The following SPIN1 variants were observed in gnomAD, a reference collection of about 807,000 sequenced individuals.
The protein encoded by SPIN1 is spindlin-1.
In SPIN1, 3 loss-of-function variants were observed where a neutral mutation model predicts 26.0. That is an observed-to-expected ratio of 0.12 (90% CI 0.05 to 0.30). The LOEUF (loss-of-function observed/expected upper bound fraction) is 0.30, where lower values mean the gene tolerates loss of function less well. Ranked by LOEUF, SPIN1 falls within the 10% of genes least tolerant of loss-of-function variation. The pLI is 1.00. For missense variants in SPIN1, 126 were observed against 333.4 expected (o/e 0.38, Z 4.84); for synonymous variants, 101 against 116.5 (o/e 0.87, Z 0.86).
At chr9:88,458,307 G>C (rs913471341) in intron 3 of SPIN1, among the ~76,000 whole-genome samples, 2 of 151,922 alleles carry the variant, frequency 1.3e-5, no homozygotes, top group Non-Finnish European at 2.9e-5. Flanking sequence ...CACAGCAAAG[G>C]CTAACTCTTA....
At chr9:88,409,274 C>T (rs150513842) in intron 1 of SPIN1, among the ~76,000 whole-genome samples, 2,936 of 151,868 alleles carry the variant, frequency 0.019, 70 homozygotes, top group African/African-American at 0.063. Flanking sequence ...GGATTACAGG[C>T]GTGAGCCACT....
chr9:88,403,149 T>G (rs1490978622), intron 1 of SPIN1, among the ~76,000 whole-genome samples: 1 of 152,144 alleles, frequency 6.6e-6, no homozygotes, highest in Non-Finnish European at 1.5e-5. Flanking sequence ...ATTTTTTAAT[T>G]GTTGGTTATT....
chr9:88,395,862 C>T (rs1389871206), intron 1 of SPIN1, among the ~76,000 whole-genome samples: 1 of 151,850 alleles, frequency 6.6e-6, no homozygotes, highest in Non-Finnish European at 1.5e-5. Flanking sequence ...GCCTGACCAA[C>T]GTGGTGAAAC....
chr9:88,397,463 G>A (rs1408821187), intron 1 of SPIN1, among the ~76,000 whole-genome samples: 2 of 151,942 alleles, frequency 1.3e-5, no homozygotes, highest in Non-Finnish European at 2.9e-5. Flanking sequence ...TCCTCTGCCT[G>A]GAATGCCTTT....
chr9:88,455,576 G>A (rs936677251), intron 3 of SPIN1, among the ~76,000 whole-genome samples: 1 of 152,294 alleles, frequency 6.6e-6, no homozygotes, highest in South Asian at 2.1e-4. Flanking sequence ...CCCAGAGATT[G>A]TTAATAATTT....
chr9:88,400,760 G>C (rs766091173), intron 1 of SPIN1, among the ~76,000 whole-genome samples: 1 of 151,796 alleles, frequency 6.6e-6, no homozygotes, highest in Non-Finnish European at 1.5e-5. Flanking sequence ...CAGGAGAATC[G>C]CTTGAGCCCA....
At chr9:88,420,062 G>T (rs1398429877) in intron 1 of SPIN1, among the ~76,000 whole-genome samples, 1 of 152,192 alleles carries the variant, frequency 6.6e-6, no homozygotes, top group Admixed American at 6.5e-5. Context: ...TAATCAAAAG[G>T]ATCACAGTCA....
At chr9:88,411,232 G>C in intron 1 of SPIN1, 1 of 1,154,826 alleles carries the variant, frequency 8.7e-7, no homozygotes, top group Non-Finnish European at 1.3e-6. Flanking sequence ...TGTTCACCTT[G>C]TGTGGCCTTG....
intron 2 of SPIN1, among the ~76,000 whole-genome samples, chr9:88,440,202 C>A (rs1828090882): frequency 2.0e-5 from 3 of 150,878 alleles, no homozygotes; most frequent in Non-Finnish European, 4.4e-5. Flanking sequence ...CACCATGTTA[C>A]AAAGGCTGGT....
At chr9:88,440,942 C>T (rs948703294) in intron 2 of SPIN1, among the ~76,000 whole-genome samples, 14 of 151,060 alleles carry the variant, frequency 9.3e-5, no homozygotes, top group East Asian at 3.9e-4. Flanking sequence ...AAACAAAAAA[C>T]GCCCCCTCCC....
rs1291708576 is a variant in SPIN1, at chr9:88,476,353, T to C, written c.*1076T>C. On this transcript the variant is annotated 3_prime_UTR_variant, in exon 6 of 6. Transcript: ENST00000375859. The stretch of plus-strand genomic sequence containing the variant: ...CCTTCTAACAAGCTCTCTGGGACTT[T>C]TAAAGTTTTATTACTATTATTGCTA... The C allele has an allele frequency of 1.3e-5, 2 of 152,200 alleles. No individual in the cohort carries two copies. The highest frequency in any genetic ancestry group is 3.8e-4 in the East Asian group (2 of 5,200). The allele number at this position is 152,200 out of a possible 1,614,324, so 9.4% of individuals were successfully genotyped here.
chr9:88,412,798 T>G (rs1827478067), intron 1 of SPIN1, among the ~76,000 whole-genome samples: 1 of 151,796 alleles, frequency 6.6e-6, no homozygotes, highest in African/African-American at 2.4e-5. Context: ...ATTCTCCCAC[T>G]TCAGCCTCCC....
chr9:88,419,195 G>A (rs1216929859), intron 1 of SPIN1, among the ~76,000 whole-genome samples: 4 of 151,742 alleles, frequency 2.6e-5, no homozygotes, highest in South Asian at 2.1e-4. Context: ...TTCCTATTAC[G>A]TGCTCCACCC....
At chr9:88,439,978 A>G (rs1371157556) in intron 2 of SPIN1, among the ~76,000 whole-genome samples, 3 of 152,174 alleles carry the variant, frequency 2.0e-5, no homozygotes. Context: ...GAAAATGATT[A>G]TGTAGGTGGA....
chr9:88,406,130 C>G (rs1827305200), intron 1 of SPIN1, among the ~76,000 whole-genome samples: 1 of 151,840 alleles, frequency 6.6e-6, no homozygotes, highest in East Asian at 1.9e-4. Context: ...CTTGGCCTCC[C>G]AGAGTGCTGG....
At chr9:88,428,044 T>C (rs952124147) in intron 2 of SPIN1, among the ~76,000 whole-genome samples, 2 of 152,202 alleles carry the variant, frequency 1.3e-5, no homozygotes, top group African/African-American at 4.8e-5. Flanking sequence ...TTCTCATTAA[T>C]TGAAAAAATT....
intron 1 of SPIN1, among the ~76,000 whole-genome samples, chr9:88,396,917 C>T (rs751588381): frequency 6.6e-6 from 1 of 151,958 alleles, no homozygotes; most frequent in Non-Finnish European, 1.5e-5. Context: ...TTTATCTAAA[C>T]ATATCTAAGG....
chr9:88,434,064 G>C (rs997415597), intron 2 of SPIN1, among the ~76,000 whole-genome samples: 4 of 152,118 alleles, frequency 2.6e-5, no homozygotes, highest in African/African-American at 9.7e-5. Flanking sequence ...TGGAAGTCAG[G>C]AAGTATGATG....
At chr9:88,392,083 G>C (rs995498419) in intron 1 of SPIN1, among the ~76,000 whole-genome samples, 1 of 152,116 alleles carries the variant, frequency 6.6e-6, no homozygotes, top group Non-Finnish European at 1.5e-5. Context: ...ACATGAAATG[G>C]ATTTATAGAG....
Sources: allele counts gnomAD v4.1 joint callset (sites outside exome capture counted in the v4.1 genomes callset), GRCh38; gene constraint gnomAD v4.1.1; transcripts MANE v1.5; gene names NCBI Gene and HGNC (gene_info 2026-07-23, HGNC 2026-07-21).